Variants in R3HDM2 observed in about 807,000 individuals in gnomAD.
R3HDM2 encodes the protein R3H domain-containing protein 2.
A neutral mutation model predicts 124.5 loss-of-function variants in R3HDM2; 38 were observed. The ratio of observed to expected loss-of-function variants is 0.31; its 90% CI spans 0.24 to 0.40. The LOEUF is 0.40. R3HDM2 is among the 10% of genes least tolerant of loss of function. R3HDM2 has a pLI of 1.00. For synonymous variants in R3HDM2, 391 were observed against 448.0 expected (o/e 0.87, Z 1.61); for missense variants, 869 against 1,236.9 (o/e 0.70, Z 4.46).
intron 1 of R3HDM2, among the ~76,000 whole-genome samples, chr12:57,419,089 T>A (rs2069929678): frequency 6.6e-6 from 1 of 152,022 alleles, no homozygotes; most frequent in Non-Finnish European, 1.5e-5. Context: ...AAATATATCT[T>A]TCTCTTCAGT....
At chr12:57,386,321 C>A (rs1409871829) in intron 2 of R3HDM2, among the ~76,000 whole-genome samples, 1 of 152,194 alleles carries the variant, frequency 6.6e-6, no homozygotes. Context: ...CGGAGAGGCA[C>A]GGGCGGGAAC....
At chr12:57,367,305 C>T (rs1220340483) in intron 2 of R3HDM2, among the ~76,000 whole-genome samples, 1 of 152,168 alleles carries the variant, frequency 6.6e-6, no homozygotes, top group African/African-American at 2.4e-5. Flanking sequence ...TTCAATAGAA[C>T]TTTCTGTGAT....
rs1240570701 is a variant in R3HDM2 at position 57,269,733 on chromosome 12, G to A, written c.1587+19C>T. 8.1e-6 allele frequency: 13 copies of A among 1,613,890 alleles called. No individual in the cohort carries two copies. The highest frequency in any genetic ancestry group is 1.1e-5 in the Non-Finnish European group (13 of 1,179,930). ...CAAACTGAATTAAGTGATTTAAGCTGGGAACTGGAGCTGCTCACCTGTTGA... is the reference window on the plus strand; with the variant it reads ...CAAACTGAATTAAGTGATTTAAGCTAGGAACTGGAGCTGCTCACCTGTTGA... On this transcript the variant is annotated intron_variant, in intron 15 of 23. Coordinates refer to ENST00000402412, the MANE Select transcript of R3HDM2 (RefSeq NM_001394031.1).
intron 11 of R3HDM2, among the ~76,000 whole-genome samples, chr12:57,289,938 G>A (rs2048246527): frequency 6.6e-6 from 1 of 152,182 alleles, no homozygotes; most frequent in Admixed American, 6.5e-5. Flanking sequence ...GGAGTATGAT[G>A]GGCTTTGGCC....
chr12:57,306,752 C>T (rs904050944), intron 3 of R3HDM2, among the ~76,000 whole-genome samples: 2 of 152,028 alleles, frequency 1.3e-5, no homozygotes, highest in African/African-American at 2.4e-5. Context: ...GGGCGGCTCA[C>T]GCCTGTAATC....
At chr12:57,331,994 G>A (rs1355819711) in intron 2 of R3HDM2, among the ~76,000 whole-genome samples, 1 of 151,832 alleles carries the variant, frequency 6.6e-6, no homozygotes, top group Non-Finnish European at 1.5e-5. Context: ...AAAGGGTGAG[G>A]TAGCAGGATC....
intron 1 of R3HDM2, among the ~76,000 whole-genome samples, chr12:57,428,134 G>A (rs1868373188): frequency 6.6e-6 from 1 of 150,852 alleles, no homozygotes; most frequent in South Asian, 2.1e-4. Context: ...AAAAAAAAGA[G>A]TGAAATTTGA....
intron 2 of R3HDM2, among the ~76,000 whole-genome samples, chr12:57,364,961 A>AG (rs1408130495): frequency 2.2e-5 from 3 of 134,562 alleles, no homozygotes; most frequent in African/African-American, 2.8e-5. Context: ...TCAAAAAAAA[A>AG]AAAAAAAAAA....
intron 14 of R3HDM2, among the ~76,000 whole-genome samples, chr12:57,273,961 T>G (rs571830195): frequency 6.6e-6 from 1 of 152,044 alleles, no homozygotes; most frequent in Admixed American, 6.6e-5. Flanking sequence ...CCTGGAAGAG[T>G]TGCTGCTGTA....
chr12:57,291,132 T>G (rs1313089315), intron 11 of R3HDM2, among the ~76,000 whole-genome samples: 2 of 152,182 alleles, frequency 1.3e-5, no homozygotes, highest in South Asian at 2.1e-4. Flanking sequence ...AGATTCCTTC[T>G]TGGACTTTGG....
At position 57,258,130 on chromosome 12, in the gene R3HDM2, G is replaced by A. The variant is rs1350346259; in HGVS notation, c.2309C>T (p.Thr770Ile). Reference sequence around the variant, plus strand: ...TGTGACAGGGCTGCTGCTCATTTGTGTGTTGGCCTGTGGAAAAGAGGAGCA... The same window carrying A: ...TGTGACAGGGCTGCTGCTCATTTGTATGTTGGCCTGTGGAAAAGAGGAGCA... ...YSPDSSPQAN[T>I]QMSSSPVTSP... The change falls in exon 21 of 24, where the codon ACA becomes ATA. Residue 770 changes from threonine to isoleucine, a missense_variant. Transcript: ENST00000402412. The A allele has an allele frequency of 1.3e-6, 2 of 1,545,520 alleles. No homozygotes were observed. Among genetic ancestry groups the A allele is most frequent in the Non-Finnish European group, 1.8e-6 (2 of 1,140,538 alleles).
chr12:57,354,156 A>C (rs1023564742), intron 2 of R3HDM2, among the ~76,000 whole-genome samples: 3 of 151,592 alleles, frequency 2.0e-5, no homozygotes, highest in Non-Finnish European at 4.4e-5. Flanking sequence ...GGCGTGAGCC[A>C]CCACGCCTGG....
intron 1 of R3HDM2, among the ~76,000 whole-genome samples, chr12:57,422,652 T>C (rs142111958): frequency 1.3e-5 from 2 of 152,206 alleles, no homozygotes; most frequent in Admixed American, 6.6e-5. Context: ...ATAGGGAGAA[T>C]ACAACAGAAA....
intron 2 of R3HDM2, among the ~76,000 whole-genome samples, chr12:57,384,174 C>T (rs754325357): frequency 3.3e-5 from 5 of 151,860 alleles, no homozygotes; most frequent in Admixed American, 6.6e-5. Flanking sequence ...ACGGTGAAAC[C>T]GTCTCTACTA....
chr12:57,312,579 T>C (rs2054138218), intron 2 of R3HDM2, among the ~76,000 whole-genome samples: 1 of 152,036 alleles, frequency 6.6e-6, no homozygotes, highest in Non-Finnish European at 1.5e-5. Flanking sequence ...TGCAAAGTCA[T>C]ATAGTTGACG....
Position 57,296,177 on chromosome 12 carries a change from C to CT in R3HDM2, c.701+233dup, listed in dbSNP as rs113140082. ...GCCACTGCGCCCGGCCATTTTTAAACTTTTTTTTTTTTTTTAAAGTAATAG... is the reference window on the plus strand; with the variant it reads ...GCCACTGCGCCCGGCCATTTTTAAACTTTTTTTTTTTTTTTTAAAGTAATAG... On this transcript the variant is annotated intron_variant, in intron 9 of 23. Coordinates refer to ENST00000402412, the MANE Select transcript of R3HDM2 (RefSeq NM_001394031.1). The surrounding 1 kb of genome is among the most constrained non-coding windows in gnomAD (Gnocchi z 4.5). Among the ~76,000 whole-genome samples the CT allele has an allele frequency of 1.2e-3, 166 of 143,402 alleles. No individual in the cohort carries two copies. The highest frequency in any genetic ancestry group is 2.9e-3 in the Admixed American group (42 of 14,278). The allele number at this position is 143,402 out of a possible 152,430, so 94.1% of individuals were successfully genotyped here.
intron 13 of R3HDM2, among the ~76,000 whole-genome samples, chr12:57,281,323 T>G (rs1370034822): frequency 6.7e-6 from 1 of 150,038 alleles, no homozygotes; most frequent in Non-Finnish European, 1.5e-5. Flanking sequence ...CTGAGAAAAC[T>G]TCAAGCATAC....
At chr12:57,379,630 AT>A (rs1402975179) in intron 2 of R3HDM2, among the ~76,000 whole-genome samples, 2 of 151,848 alleles carry the variant, frequency 1.3e-5, no homozygotes, top group African/African-American at 2.4e-5. Context: ...AAGGGAAGGG[AT>A]TTTTTTCTGT....
intron 2 of R3HDM2, among the ~76,000 whole-genome samples, chr12:57,365,169 C>G (rs2062476182): frequency 6.6e-6 from 1 of 150,850 alleles, no homozygotes. Context: ...GAGGCTGAGA[C>G]AGGAGAATCG....
Sources: allele counts gnomAD v4.1 joint callset (sites outside exome capture counted in the v4.1 genomes callset), GRCh38; gene constraint gnomAD v4.1.1; non-coding constraint Gnocchi (gnomAD v3.1); transcripts MANE v1.5; gene names NCBI Gene and HGNC (gene_info 2026-07-23, HGNC 2026-07-21).